SHISA6: variants seen among roughly 807,000 people sequenced by gnomAD.
SHISA6 encodes the protein shisa family member 6, also known as protein shisa-6.
A neutral mutation model predicts 47.9 loss-of-function variants in SHISA6; 22 were observed. The observed-to-expected ratio is 0.46, with a 90% CI of 0.33 to 0.66. SHISA6 has a LOEUF of 0.66. SHISA6 is among the 30% of genes least tolerant of loss of function. The pLI is 0.02. For missense variants in SHISA6, 680 were observed against 764.6 expected, an observed-to-expected ratio of 0.89 and a Z score of 1.30; for synonymous variants, 388 against 337.8, an observed-to-expected ratio of 1.15 and a Z score of -1.63.
At chr17:11,518,866 TCTC>T (rs1447364464) in intron 3 of SHISA6, among the ~76,000 whole-genome samples, 8 of 152,146 alleles carry the variant, frequency 5.3e-5, no homozygotes, top group African/African-American at 1.9e-4. Flanking sequence ...TACTCTCCCT[TCTC>T]CTTTCAACTC....
intron 3 of SHISA6, among the ~76,000 whole-genome samples, chr17:11,387,933 C>A (rs917970299): frequency 3.3e-5 from 5 of 152,170 alleles, no homozygotes; most frequent in African/African-American, 1.2e-4. Context: ...CTCCCACCAG[C>A]CCATTTGTCT....
chr17:11,391,399 A>G (rs1913382355), intron 3 of SHISA6, among the ~76,000 whole-genome samples: 1 of 152,196 alleles, frequency 6.6e-6, no homozygotes, highest in African/African-American at 2.4e-5. Flanking sequence ...GAGCTGAGTT[A>G]AACATTACAA....
chr17:11,258,752 G>T (rs553926932), intron 1 of SHISA6, among the ~76,000 whole-genome samples: 3 of 152,304 alleles, frequency 2.0e-5, no homozygotes, highest in Non-Finnish European at 2.9e-5. Flanking sequence ...TAGTGTAAAA[G>T]GTTGTAGAGC....
At chr17:11,323,775 T>G (rs1264538324) in intron 2 of SHISA6, among the ~76,000 whole-genome samples, 1 of 152,118 alleles carries the variant, frequency 6.6e-6, no homozygotes, top group Non-Finnish European at 1.5e-5. Context: ...AGCACGCCAA[T>G]GACCCCTTTC....
intron 2 of SHISA6, among the ~76,000 whole-genome samples, chr17:11,323,780 C>T (rs1032643022): frequency 2.0e-5 from 3 of 152,026 alleles, no homozygotes; most frequent in African/African-American, 4.8e-5. Flanking sequence ...GCCAATGACC[C>T]CTTTCCTTCC....
At chr17:11,433,068 C>T (rs1048421157) in intron 3 of SHISA6, among the ~76,000 whole-genome samples, 1 of 152,162 alleles carries the variant, frequency 6.6e-6, no homozygotes, top group African/African-American at 2.4e-5. Flanking sequence ...AATTGTATCT[C>T]AATACAGCTA....
chr17:11,517,456 G>A (rs760038341), intron 3 of SHISA6, among the ~76,000 whole-genome samples: 2 of 152,150 alleles, frequency 1.3e-5, no homozygotes, highest in African/African-American at 4.8e-5. Context: ...CTTCTTGTAT[G>A]AGTCAAATTC....
chr17:11,256,990 C>T (rs112289754), intron 1 of SHISA6, among the ~76,000 whole-genome samples: 4 of 152,232 alleles, frequency 2.6e-5, no homozygotes, highest in South Asian at 2.1e-4. Context: ...CTGAGTCCTG[C>T]GACGTTTATT....
chr17:11,537,176 C>T (rs1029047617), intron 3 of SHISA6, among the ~76,000 whole-genome samples: 1 of 151,618 alleles, frequency 6.6e-6, no homozygotes, highest in African/African-American at 2.4e-5. Context: ...GAGGAGTTCA[C>T]ACAGACCTGG....
At chr17:11,379,028 T>A (rs1912914048) in intron 2 of SHISA6, among the ~76,000 whole-genome samples, 1 of 151,910 alleles carries the variant, frequency 6.6e-6, no homozygotes, top group South Asian at 2.1e-4. Flanking sequence ...GTATCTCGTT[T>A]GTTCTCCTAT....
rs1907308371 is a variant in SHISA6, at chr17:11,241,246, T to TGCGCACCGC, written c.-172_-164dup. ...GAGCAGCCCGCGCCGGGCCGGTCCGTGCGCACCGCGCGCCGCCGCCGCCAC... is the reference window on the plus strand; with the variant it reads ...GAGCAGCCCGCGCCGGGCCGGTCCGTGCGCACCGCGCGCACCGCGCGCCGCCGCCGCCAC... On this transcript the variant is annotated 5_prime_UTR_variant, in exon 1 of 6. Transcript: ENST00000441885. This position sits in a 1 kb window ranked among gnomAD's most constrained non-coding sequence, Gnocchi z 5.5. 5.6e-6 allele frequency: 1 copy of TGCGCACCGC among 179,046 alleles called. No homozygotes were observed. The highest frequency in any genetic ancestry group is 1.0e-5 in the Non-Finnish European group (1 of 98,078). 11.1% of individuals were successfully genotyped at this position (179,046 alleles called of 1,614,324 possible).
intron 2 of SHISA6, among the ~76,000 whole-genome samples, chr17:11,282,076 A>G (rs1909138354): frequency 1.3e-5 from 2 of 152,222 alleles, no homozygotes; most frequent in Admixed American, 1.3e-4. Flanking sequence ...GGCATAGGCC[A>G]AATTATCTTT....
chr17:11,469,374 AAT>A (rs1348119063), intron 3 of SHISA6, among the ~76,000 whole-genome samples: 4 of 152,152 alleles, frequency 2.6e-5, no homozygotes, highest in Non-Finnish European at 4.4e-5. Context: ...GGGGCAAAGG[AAT>A]AGTCTCCCCT....
Position 11,362,207 on chromosome 17 carries a change from A to G in SHISA6, c.800-17207A>G, listed in dbSNP as rs537173679. On this transcript the variant is annotated intron_variant, in intron 2 of 5. Coordinates refer to ENST00000441885, the MANE Select transcript of SHISA6 (RefSeq NM_207386.4). Reference sequence around the variant, plus strand: ...CAGGCTGGAGTACAGAGGCATGATCATAGCTTACTGCAGTCTCAAATTCCT... The same window carrying G: ...CAGGCTGGAGTACAGAGGCATGATCGTAGCTTACTGCAGTCTCAAATTCCT... Among the ~76,000 whole-genome samples the G allele has an allele frequency of 2.6e-5, 4 of 152,226 alleles. No individual in the cohort carries two copies. In the South Asian group the frequency reaches 6.2e-4, roughly 24 times the overall value.
At chr17:11,481,334 A>T (rs1323131129) in intron 3 of SHISA6, among the ~76,000 whole-genome samples, 1 of 94,722 alleles carries the variant, frequency 1.1e-5, no homozygotes, top group African/African-American at 4.6e-5. Flanking sequence ...CAAAAAATAT[A>T]TATGTGTGTG....
chr17:11,415,978 A>G (rs981634800), intron 3 of SHISA6, among the ~76,000 whole-genome samples: 1 of 152,242 alleles, frequency 6.6e-6, no homozygotes, highest in Non-Finnish European at 1.5e-5. Context: ...TTCTTGGTTT[A>G]CAGATAGGCT....
At chr17:11,437,101 A>G (rs1190203830) in intron 3 of SHISA6, among the ~76,000 whole-genome samples, 1 of 152,202 alleles carries the variant, frequency 6.6e-6, no homozygotes, top group Non-Finnish European at 1.5e-5. Context: ...AAGAGTGAGA[A>G]GGAAAGAGAC....
chr17:11,246,318 G>A (rs1372991117), intron 1 of SHISA6, among the ~76,000 whole-genome samples: 4 of 151,990 alleles, frequency 2.6e-5, no homozygotes, highest in African/African-American at 4.8e-5. Context: ...GTGAAATCCC[G>A]TCTCTACGAA....
chr17:11,379,243 A>C (rs1445469977), intron 2 of SHISA6, among the ~76,000 whole-genome samples, 171 bp from the exon 3 acceptor site: 1 of 148,512 alleles, frequency 6.7e-6, no homozygotes, highest in East Asian at 1.9e-4. Context: ...TTTCATATAT[A>C]ATATATATTT....
Sources: allele counts gnomAD v4.1 joint callset (sites outside exome capture counted in the v4.1 genomes callset), GRCh38; gene constraint gnomAD v4.1.1; non-coding constraint Gnocchi (gnomAD v3.1); transcripts MANE v1.5; gene names NCBI Gene and HGNC (gene_info 2026-07-23, HGNC 2026-07-21).